The following FMNL2 variants were observed in gnomAD, a reference collection of about 807,000 sequenced individuals.
The protein encoded by FMNL2 is formin like 2.
Under a neutral mutation model 130.2 loss-of-function variants are expected in FMNL2, and 51 were observed. The ratio of observed to expected loss-of-function variants is 0.39; its 90% CI spans 0.31 to 0.49. FMNL2 has a LOEUF of 0.49. Among genes scored for constraint, FMNL2 ranks in the 20% least tolerant of loss-of-function variants. FMNL2 has a pLI of 0.85. For synonymous variants in FMNL2, 465 were observed against 467.1 expected (o/e 1.00, Z 0.06); for missense variants, 977 against 1,316.2 (o/e 0.74, Z 3.99).
At chr2:152,351,443 C>T (rs921711154) in intron 1 of FMNL2, among the ~76,000 whole-genome samples, 5 of 152,292 alleles carry the variant, frequency 3.3e-5, no homozygotes, top group African/African-American at 1.2e-4. Context: ...TGAGTGAGAA[C>T]TTGTGGCATT....
rs780810978 is a variant in FMNL2, at chr2:152,335,729, G to A, written c.117+9G>A. 1.9e-6 allele frequency: 3 copies of A among 1,558,236 alleles called. No individual in the cohort carries two copies. In the South Asian group the frequency reaches 3.5e-5, roughly 18 times the overall value. On this transcript the variant is annotated intron_variant, in intron 1 of 25. Coordinates refer to ENST00000288670, the MANE Select transcript of FMNL2 (RefSeq NM_052905.4). Reference sequence around the variant, plus strand: ...GATTTGCCATCGTGCTGGTAAGTGCGCGGCGGCGGTCGGGCGCGGGGACCC... The same window carrying A: ...GATTTGCCATCGTGCTGGTAAGTGCACGGCGGCGGTCGGGCGCGGGGACCC...
intron 9 of FMNL2, among the ~76,000 whole-genome samples, chr2:152,601,346 G>T: frequency 6.7e-6 from 1 of 148,342 alleles, no homozygotes; most frequent in East Asian, 2.0e-4. Context: ...TGTCACCCAG[G>T]CTGGAGTGCA....
chr2:152,584,796 A>C (rs768964472), intron 9 of FMNL2, among the ~76,000 whole-genome samples: 8 of 152,242 alleles, frequency 5.3e-5, no homozygotes, highest in Non-Finnish European at 8.8e-5. Flanking sequence ...GTTTTGATGA[A>C]TATTTAGAAT....
chr2:152,489,903 C>G (rs1460707519), intron 1 of FMNL2, among the ~76,000 whole-genome samples: 2 of 152,092 alleles, frequency 1.3e-5, no homozygotes, highest in Non-Finnish European at 2.9e-5. Context: ...CTGAGAGTTT[C>G]TTAGTCGTAT....
At chr2:152,552,226 A>G (rs1457388704) in intron 4 of FMNL2, among the ~76,000 whole-genome samples, 1 of 152,192 alleles carries the variant, frequency 6.6e-6, no homozygotes. Context: ...TACTCAATAT[A>G]TGATAGTTGT....
At chr2:152,516,825 CTT>C (rs1297579932) in intron 1 of FMNL2, among the ~76,000 whole-genome samples, 1 of 152,144 alleles carries the variant, frequency 6.6e-6, no homozygotes, top group East Asian at 1.9e-4. Flanking sequence ...GTGGGTATAA[CTT>C]GAGATGTATA....
intron 1 of FMNL2, among the ~76,000 whole-genome samples, chr2:152,408,218 T>C (rs1355510217): frequency 6.6e-6 from 1 of 152,258 alleles, no homozygotes; most frequent in African/African-American, 2.4e-5. Flanking sequence ...ATGTAGCACT[T>C]AGGTCTTTTT....
intron 1 of FMNL2, among the ~76,000 whole-genome samples, chr2:152,510,719 G>T (rs968697246): frequency 1.2e-4 from 18 of 152,222 alleles, no homozygotes; most frequent in Non-Finnish European, 2.1e-4. Context: ...GGCTAAAGGA[G>T]TGCAAAGAAG....
intron 4 of FMNL2, 67 bp from the exon 5 acceptor site, chr2:152,558,673 G>A: frequency 7.0e-7 from 1 of 1,431,010 alleles, no homozygotes. Flanking sequence ...ACTTTGCATT[G>A]TGTCCGTTCC....
At chr2:152,628,979 T>G (rs2105927101) in intron 18 of FMNL2, among the ~76,000 whole-genome samples, 1 of 152,330 alleles carries the variant, frequency 6.6e-6, no homozygotes, top group Non-Finnish European at 1.5e-5. Context: ...CCATAAGAGT[T>G]TTCTTTCTTG....
chr2:152,531,478 C>CTTTTTT (rs11462086), intron 2 of FMNL2, among the ~76,000 whole-genome samples: 1 of 147,968 alleles, frequency 6.8e-6, no homozygotes. Flanking sequence ...GATGTAAGAT[C>CTTTTTT]TTTTTTTTTT....
chr2:152,442,587 T>G (rs1688109740), intron 1 of FMNL2, among the ~76,000 whole-genome samples: 1 of 152,180 alleles, frequency 6.6e-6, no homozygotes, highest in South Asian at 2.1e-4. Flanking sequence ...CATTTACTGA[T>G]AATACCTTTC....
intron 2 of FMNL2, among the ~76,000 whole-genome samples, chr2:152,535,874 C>T (rs769858944): frequency 5.9e-5 from 9 of 152,230 alleles, no homozygotes; most frequent in Non-Finnish European, 1.3e-4. Flanking sequence ...TCTCCTATCT[C>T]ACCATCCCCA....
chr2:152,398,063 T>C (rs1177687171), intron 1 of FMNL2, among the ~76,000 whole-genome samples: 1 of 152,162 alleles, frequency 6.6e-6, no homozygotes, highest in African/African-American at 2.4e-5. Flanking sequence ...GTGGAGGTTT[T>C]GCAGTGAGCC....
intron 1 of FMNL2, among the ~76,000 whole-genome samples, chr2:152,509,205 A>G (rs1335814142): frequency 1.3e-5 from 2 of 152,220 alleles, no homozygotes; most frequent in African/African-American, 4.8e-5. Flanking sequence ...ATAGACAAAC[A>G]TTGAAAACCT....
intron 1 of FMNL2, among the ~76,000 whole-genome samples, chr2:152,494,327 C>A (rs1691377481): frequency 1.3e-5 from 2 of 152,192 alleles, no homozygotes; most frequent in Non-Finnish European, 2.9e-5. Flanking sequence ...TAACACATAT[C>A]TTTTCAGTAA....
At chr2:152,437,474 C>A (rs1451398608) in intron 1 of FMNL2, among the ~76,000 whole-genome samples, 1 of 152,136 alleles carries the variant, frequency 6.6e-6, no homozygotes, top group East Asian at 1.9e-4. Flanking sequence ...AATGCACCCC[C>A]CCTGCGGTGA....
chr2:152,581,010 G>A lies in FMNL2; in HGVS notation c.837G>A (p.Gly279=). The part of the protein sequence containing the change: ...LLAAVCLVRG[G]HEIILSAFDN... Reference sequence around the variant, plus strand: ...CAGCCGTTTGTCTTGTCAGAGGCGGGCATGAAATCATTTTATCAGCATTTG... The same window carrying A: ...CAGCCGTTTGTCTTGTCAGAGGCGGACATGAAATCATTTTATCAGCATTTG... Residue 279 remains glycine, a synonymous_variant, in exon 9 of 26, where the codon GGG becomes GGA. Transcript: ENST00000288670. 6.2e-7 allele frequency: 1 copy of A among 1,613,864 alleles called. No homozygotes were observed. The highest frequency in any genetic ancestry group is 8.5e-7 in the Non-Finnish European group (1 of 1,179,850).
intron 1 of FMNL2, among the ~76,000 whole-genome samples, chr2:152,421,322 CTA>C (rs1158884526): frequency 1.3e-5 from 2 of 152,182 alleles, no homozygotes; most frequent in Non-Finnish European, 2.9e-5. Flanking sequence ...AATTATCCTA[CTA>C]TATTTGCAGC....
Sources: allele counts gnomAD v4.1 joint callset (sites outside exome capture counted in the v4.1 genomes callset), GRCh38; gene constraint gnomAD v4.1.1; transcripts MANE v1.5; gene names NCBI Gene and HGNC (gene_info 2026-07-23, HGNC 2026-07-21).